The following PHC3 variants were observed in gnomAD, a reference collection of about 807,000 sequenced individuals.
The protein encoded by PHC3 is polyhomeotic homolog 3.
A neutral mutation model predicts 107.4 loss-of-function variants in PHC3; 13 were observed. The ratio of observed to expected loss-of-function variants is 0.12; its 90% CI spans 0.08 to 0.19. The LOEUF (loss-of-function observed/expected upper bound fraction) is 0.19, where lower values mean the gene tolerates loss of function less well. Among genes scored for constraint, PHC3 ranks in the 10% least tolerant of loss-of-function variants. The probability of loss-of-function intolerance (pLI) is 1.00; values close to 1 mark genes in which losing one functional copy is unlikely to be tolerated. For missense variants in PHC3, 992 were observed against 1,210.9 expected (o/e 0.82, Z 2.68); for synonymous variants, 456 against 427.4 (o/e 1.07, Z -0.83).
At chr3:170,122,127 G>A (rs1043355768) in intron 9 of PHC3, among the ~76,000 whole-genome samples, 6 of 152,148 alleles carry the variant, frequency 3.9e-5, no homozygotes, top group Non-Finnish European at 7.3e-5. Flanking sequence ...GAAGGTTCCT[G>A]TAGACCCAGC....
At chr3:170,111,689 A>T (rs1293225300) in intron 11 of PHC3, among the ~76,000 whole-genome samples, 1 of 152,224 alleles carries the variant, frequency 6.6e-6, no homozygotes, top group Non-Finnish European at 1.5e-5. Context: ...ATCAAATTTT[A>T]AACTAATATA....
Position 170,178,805 on chromosome 3 carries a change from C to G in PHC3, c.148G>C (p.Val50Leu), listed in dbSNP as rs200744649. ...GCATGTCGGTCTGAACCACTGTAGA[C>G]AGAGATCTGTGGCTGCTGCATTCGA... Reference protein sequence around the residue: ...SSRMQQPQISVYSGSDRHAVQ... With the variant: ...SSRMQQPQISLYSGSDRHAVQ... The change falls in exon 2 of 15, where the codon GTC becomes CTC. Residue 50 changes from valine (V) to leucine (L), a missense_variant. Physicochemically the swap from Val to Leu is conservative, Grantham distance 32 (BLOSUM62 1). Coordinates refer to ENST00000495893, the MANE Select transcript of PHC3 (RefSeq NM_024947.4). 5.0e-5 allele frequency: 80 copies of G among 1,613,876 alleles called. No homozygotes were observed. The highest frequency in any genetic ancestry group is 1.1e-5 in the Non-Finnish European group (13 of 1,179,902).
At chr3:170,163,512 T>C (rs1456888685) in intron 4 of PHC3, among the ~76,000 whole-genome samples, 1 of 149,662 alleles carries the variant, frequency 6.7e-6, no homozygotes, top group Admixed American at 6.7e-5. Context: ...GTGATGGCAC[T>C]GTCCTCACAT....
At chr3:170,136,998 ATG>A (rs1723190065) in intron 6 of PHC3, among the ~76,000 whole-genome samples, 1 of 152,162 alleles carries the variant, frequency 6.6e-6, no homozygotes, top group South Asian at 2.1e-4. Context: ...TAAAAGCAGT[ATG>A]TATATATATA....
At chr3:170,135,734 T>C (rs1321872691) in intron 7 of PHC3, among the ~76,000 whole-genome samples, 1 of 151,462 alleles carries the variant, frequency 6.6e-6, no homozygotes, top group African/African-American at 2.4e-5. Flanking sequence ...TAAGAATACA[T>C]GTAACTCTTT....
At chr3:170,115,035 T>C (rs1718628934) in intron 10 of PHC3, among the ~76,000 whole-genome samples, 1 of 152,170 alleles carries the variant, frequency 6.6e-6, no homozygotes, top group African/African-American at 2.4e-5. Context: ...CAAAAAATAA[T>C]TCAGCAATAC....
Position 170,136,543 on chromosome 3 carries a change from G to T in PHC3, c.795C>A (p.Thr265=), listed in dbSNP as rs1409273670. Reference sequence around the variant, plus strand: ...GATCTCGTTGGCTGATTTTAGAACTGGTCACTGTTGTTTTGTTATGACAAA... The same window carrying T: ...GATCTCGTTGGCTGATTTTAGAACTTGTCACTGTTGTTTTGTTATGACAAA... ...LTICHNKTTV[T]SSKISQRDPS... is the part of the protein sequence containing the mutation. Residue 265 remains threonine, a synonymous_variant, in exon 7 of 15, where the codon ACC becomes ACA. Transcript: ENST00000495893. The T allele has an allele frequency of 6.2e-7, 1 of 1,612,608 alleles. No homozygotes were observed. Among genetic ancestry groups the T allele is most frequent in the Admixed American group, 1.7e-5 (1 of 59,716 alleles).
intron 2 of PHC3, among the ~76,000 whole-genome samples, chr3:170,173,319 G>A (rs1729920101): frequency 6.6e-6 from 1 of 152,086 alleles, no homozygotes; most frequent in Non-Finnish European, 1.5e-5. Flanking sequence ...ACAAGATACT[G>A]TTTTCCAACT....
chr3:170,125,748 G>C (rs1164229164), intron 8 of PHC3, among the ~76,000 whole-genome samples: 1 of 152,130 alleles, frequency 6.6e-6, no homozygotes, highest in Non-Finnish European at 1.5e-5. Context: ...GGCGAAATAA[G>C]TGCATGAATA....
At position 170,089,160 on chromosome 3, in the gene PHC3, G is replaced by C. The variant is rs942494477; in HGVS notation, c.*8070C>G. On this transcript the variant is annotated 3_prime_UTR_variant, in exon 15 of 15. Transcript: ENST00000495893. ...CAAGCCTGGGTGACAGTGAGACTCT[G>C]TCTCAAAACAAACAAAACAAAAAAG... 5 of 152,062 alleles carry C rather than the reference G, an allele frequency of 3.3e-5. No individual in the cohort carries two copies. The East Asian group carries it at 9.6e-4, about 29-fold the overall frequency. 9.4% of individuals were successfully genotyped at this position (152,062 alleles called of 1,614,324 possible). A position where few individuals can be genotyped will look rare whatever the true frequency, so the allele number is the denominator to read the frequency against.
At chr3:170,145,162 TAGAA>T (rs1560090865) in intron 6 of PHC3, among the ~76,000 whole-genome samples, 1 of 152,212 alleles carries the variant, frequency 6.6e-6, no homozygotes, top group African/African-American at 2.4e-5. Context: ...AAACTAAACA[TAGAA>T]AGCCATTAAC....
intron 10 of PHC3, among the ~76,000 whole-genome samples, chr3:170,116,886 G>C (rs1719090312): frequency 6.8e-6 from 1 of 147,792 alleles, no homozygotes; most frequent in South Asian, 2.2e-4. Context: ...ACTCTAGCCT[G>C]GTCAACAGAG....
chr3:170,156,579 GA>G (rs1206522214), intron 4 of PHC3, among the ~76,000 whole-genome samples: 5 of 149,660 alleles, frequency 3.3e-5, no homozygotes. Context: ...TATCCATGAA[GA>G]ATTTTCTTTT....
rs60191414 is a variant in PHC3 at position 170,144,158 on chromosome 3, TAAAAAAA to T, written c.672+1258_672+1264del. 6.7e-5 allele frequency among the ~76,000 whole-genome samples: 8 copies of T among 118,848 alleles called. 1 individual carries two copies. In the South Asian group the frequency reaches 1.1e-3, roughly 16 times the overall value. The allele number at this position is 118,848 out of a possible 152,430, so 78.0% of individuals were successfully genotyped here. On this transcript the variant is annotated intron_variant, in intron 6 of 14. Coordinates refer to ENST00000495893, the MANE Select transcript of PHC3 (RefSeq NM_024947.4). Reference sequence around the variant, plus strand: ...AACATGGTGAAACCCTGTTTCTACTTAAAAAAAAAAAAAAAAAGAAAAAAGAAAAAAA... The same window carrying T: ...AACATGGTGAAACCCTGTTTCTACTTAAAAAAAAAAGAAAAAAGAAAAAAA...
In PHC3 at chr3:170,090,963, A is replaced by T. The variant is rs1714035902; in HGVS notation, c.*6267T>A. 6.6e-6 allele frequency: 1 copy of T among 152,254 alleles called. No individual in the cohort carries two copies. The highest frequency in any genetic ancestry group is 1.5e-5 in the Non-Finnish European group (1 of 68,042). 9.4% of individuals were successfully genotyped at this position (152,254 alleles called of 1,614,324 possible). A position where few individuals can be genotyped will look rare whatever the true frequency, so the allele number is the denominator to read the frequency against. ...AGAGAAGCATTCTAAATAAAGATTT[A>T]AACACTAGACACTTCTGGTTTACTT... On this transcript the variant is annotated 3_prime_UTR_variant, in exon 15 of 15. Transcript: ENST00000495893.
intron 5 of PHC3, chr3:170,148,366 G>C (rs904174235): frequency 6.6e-6 from 1 of 152,102 alleles, no homozygotes; most frequent in Non-Finnish European, 1.5e-5. Flanking sequence ...ATATATATTA[G>C]GGACAATGCT....
chr3:170,181,084 G>T (rs995177693), intron 1 of PHC3, among the ~76,000 whole-genome samples: 5 of 152,204 alleles, frequency 3.3e-5, no homozygotes, highest in African/African-American at 1.2e-4. Context: ...AGGCAGCAAC[G>T]CTGCACCCAG....
chr3:170,142,366 T>C (rs1724251391), intron 6 of PHC3, among the ~76,000 whole-genome samples: 2 of 152,114 alleles, frequency 1.3e-5, no homozygotes, highest in Admixed American at 1.3e-4. Context: ...ATAAACACTA[T>C]GCTATACTAT....
chr3:170,146,190 C>G (rs1324399958), intron 5 of PHC3, among the ~76,000 whole-genome samples: 2 of 151,976 alleles, frequency 1.3e-5, no homozygotes, highest in Non-Finnish European at 2.9e-5. Flanking sequence ...GCCTGGCCAA[C>G]ACGGTGAAAC....
Sources: gnomAD v4.1 joint callset for allele counts (sites outside exome capture counted in the v4.1 genomes callset) on GRCh38, gnomAD v4.1.1 for gene constraint, MANE v1.5 for transcripts, NCBI Gene and HGNC (gene_info 2026-07-23, HGNC 2026-07-21) for gene names.